The following UBR2 variants were observed in gnomAD, a reference collection of about 807,000 sequenced individuals.
UBR2 encodes the protein E3 ubiquitin-protein ligase UBR2.
UBR2 carries 92 observed loss-of-function variants against 247.9 expected under a neutral mutation model. The observed-to-expected ratio is 0.37, with a 90% confidence interval of 0.31 to 0.44. The LOEUF is 0.44. Ranked by LOEUF, UBR2 falls within the 20% of genes least tolerant of loss-of-function variation. The pLI, the probability that UBR2 is intolerant of heterozygous loss-of-function variation, is 1.00. For synonymous variants in UBR2, 672 were observed against 693.5 expected (o/e 0.97, Z 0.49); for missense variants, 1,613 against 2,112.6 (o/e 0.76, Z 4.64).
intron 4 of UBR2, among the ~76,000 whole-genome samples, chr6:42,596,937 G>A (rs1297747803): frequency 1.3e-5 from 2 of 152,178 alleles, no homozygotes; most frequent in Admixed American, 1.3e-4. Flanking sequence ...AATGTACCAA[G>A]TACCACTGAG....
intron 8 of UBR2, among the ~76,000 whole-genome samples, chr6:42,614,425 T>TACATACGTATGTATGTACGTACGTAC (rs765557498): frequency 6.1e-3 from 42 of 6,860 alleles, no homozygotes; most frequent in Non-Finnish European, 0.011. Flanking sequence ...CGTACGTACA[T>TACATACGTATGTATGTACGTACGTAC]ATATATGTAT....
intron 24 of UBR2, 32 bp downstream of exon 24, chr6:42,652,103 C>A: frequency 6.4e-7 from 1 of 1,553,162 alleles, no homozygotes; most frequent in Non-Finnish European, 8.7e-7. Context: ...ATGTCTTGCC[C>A]ATCTTTTTTG....
chr6:42,564,288 G>T lies in UBR2; in HGVS notation c.-32G>T. ...GAGGTGAGGCTGCAGCTCTCCGGGC[G>T]GCGGTAGCGCTGGGGAGGAGGAGGA... On this transcript the variant is annotated 5_prime_UTR_variant, in exon 1 of 47. Transcript: ENST00000372901. 1 of 1,595,746 alleles carries T rather than the reference G, an allele frequency of 6.3e-7. No homozygotes were observed. Among genetic ancestry groups the T allele is most frequent in the East Asian group, 2.3e-5 (1 of 44,038 alleles).
At chr6:42,598,066 T>C (rs756569659) in intron 4 of UBR2, among the ~76,000 whole-genome samples, 3 of 152,330 alleles carry the variant, frequency 2.0e-5, no homozygotes, top group East Asian at 3.9e-4. Flanking sequence ...CCTGGTGATA[T>C]AGAAATGCTA....
Position 42,571,898 on chromosome 6 carries a change from CTT to C in UBR2, c.79-1832_79-1831del, listed in dbSNP as rs536068068. 3.9e-3 allele frequency among the ~76,000 whole-genome samples: 588 copies of C among 151,932 alleles called. 1 individual carries two copies. Among genetic ancestry groups the C allele is most frequent in the Middle Eastern group, 0.014 (4 of 294 alleles). ...GATTCTAGTATGCTTGTTGAGGACT[CTT>C]TTTCTTTTTTTAAAACTTGTCCTCT... On this transcript the variant is annotated intron_variant, in intron 1 of 46. Coordinates refer to ENST00000372901, the MANE Select transcript of UBR2 (RefSeq NM_001363705.2).
intron 11 of UBR2, chr6:42,620,167 AC>A (rs1794884094): frequency 5.8e-6 from 2 of 347,248 alleles, no homozygotes; most frequent in Non-Finnish European, 8.1e-6. Context: ...CCACATCCTC[AC>A]CAACACTTGG....
chr6:42,667,919 C>T (rs1025521546), intron 34 of UBR2, among the ~76,000 whole-genome samples: 6 of 151,312 alleles, frequency 4.0e-5, no homozygotes, highest in East Asian at 1.9e-4. Flanking sequence ...CTACCATGCC[C>T]GACTGATTTT....
intron 8 of UBR2, 78 bp downstream of exon 8, chr6:42,612,369 CTA>C (rs1794144978): frequency 7.6e-7 from 1 of 1,323,982 alleles, no homozygotes. Context: ...TTTGGGAAAA[CTA>C]TCAACTGGAA....
chr6:42,623,220 TG>T (rs1388933309), intron 11 of UBR2, among the ~76,000 whole-genome samples: 1 of 152,164 alleles, frequency 6.6e-6, no homozygotes, highest in African/African-American at 2.4e-5. Flanking sequence ...TTTGGAGTTT[TG>T]TTTGCTTGGT....
intron 25 of UBR2, among the ~76,000 whole-genome samples, chr6:42,653,783 T>C (rs564349250): frequency 4.6e-5 from 7 of 151,958 alleles, no homozygotes; most frequent in Admixed American, 2.0e-4. Flanking sequence ...GCCCAGCTAA[T>C]TTTTTGTATT....
intron 11 of UBR2, among the ~76,000 whole-genome samples, chr6:42,625,757 T>C (rs1795300037): frequency 6.6e-6 from 1 of 151,812 alleles, no homozygotes; most frequent in South Asian, 2.1e-4. Context: ...CCTAGAGATG[T>C]ATGTGTTTAT....
chr6:42,608,747 A>G (rs150995932), intron 7 of UBR2, among the ~76,000 whole-genome samples: 45 of 152,254 alleles, frequency 3.0e-4, no homozygotes, highest in African/African-American at 9.4e-4. Flanking sequence ...TATTTGTTCT[A>G]TTGGTCATTT....
intron 8 of UBR2, among the ~76,000 whole-genome samples, chr6:42,614,372 G>GTA (rs1426207924): frequency 5.8e-4 from 39 of 67,658 alleles, no homozygotes; most frequent in Non-Finnish European, 1.0e-3. Context: ...ATGTGTGTAT[G>GTA]TGTGTATATA....
chr6:42,578,972 A>ACACACACACACACACAC (rs1791698069), intron 2 of UBR2, among the ~76,000 whole-genome samples: 1 of 148,836 alleles, frequency 6.7e-6, no homozygotes, highest in African/African-American at 2.5e-5. Context: ...CACACACACA[A>ACACACACACACACACAC]ACACACACAC....
At chr6:42,687,276 A>G (rs1799490360) in intron 44 of UBR2, among the ~76,000 whole-genome samples, 1 of 152,198 alleles carries the variant, frequency 6.6e-6, no homozygotes, top group Non-Finnish European at 1.5e-5. Flanking sequence ...CGCCGTCAGG[A>G]GCTGGAGACC....
At position 42,586,203 on chromosome 6, in the gene UBR2, A is replaced by G. The variant is rs573420762; in HGVS notation, c.339-5948A>G. Among the ~76,000 whole-genome samples the G allele has an allele frequency of 1.1e-3, 162 of 143,388 alleles. No homozygotes were observed. In the Middle Eastern group the frequency reaches 0.018, roughly 16 times the overall value. The allele number at this position is 143,388 out of a possible 152,430, so 94.1% of individuals were successfully genotyped here. A position where few individuals can be genotyped will look rare whatever the true frequency, so the allele number is the denominator to read the frequency against. ...AACATGTCGAAACCCCATCTCTACC[A>G]AAAAAAAAAAAATACAAAAATTAGC... On this transcript the variant is annotated intron_variant, in intron 2 of 46. Transcript: ENST00000372901.
Position 42,676,061 on chromosome 6 carries a change from C to A in UBR2, c.4257C>A (p.Gly1419=). ...LDIDMFHLLV[G]LVLAFPALQC... ...GTCCTGTGTTTGGTGCCTAGGTGGGCTTGGTGCTTGCATTTCCTGCGTTGC... is the reference window on the plus strand; with the variant it reads ...GTCCTGTGTTTGGTGCCTAGGTGGGATTGGTGCTTGCATTTCCTGCGTTGC... The change falls in exon 39 of 47, where the codon GGC becomes GGA. Residue 1419 remains glycine, a synonymous_variant. Transcript: ENST00000372901. 1 of 1,610,982 alleles carries A rather than the reference C, an allele frequency of 6.2e-7. No homozygotes were observed. Among genetic ancestry groups the A allele is most frequent in the South Asian group, 1.1e-5 (1 of 90,490 alleles).
chr6:42,568,164 CACAT>C (rs1396700311), intron 1 of UBR2, among the ~76,000 whole-genome samples: 1 of 152,070 alleles, frequency 6.6e-6, no homozygotes, highest in Non-Finnish European at 1.5e-5. Context: ...AGATATAACT[CACAT>C]ACTGTACAGT....
At chr6:42,685,743 C>T (rs919454439) in intron 44 of UBR2, among the ~76,000 whole-genome samples, 66 of 151,760 alleles carry the variant, frequency 4.3e-4, no homozygotes, top group African/African-American at 1.6e-3. Context: ...ATTTAACATA[C>T]AAGCAGCATA....
Sources: allele counts gnomAD v4.1 joint callset (sites outside exome capture counted in the v4.1 genomes callset), GRCh38; gene constraint gnomAD v4.1.1; transcripts MANE v1.5; gene names NCBI Gene and HGNC (gene_info 2026-07-23, HGNC 2026-07-21).